Variants in MID1 observed in about 807,000 individuals in gnomAD.
MID1 encodes the protein E3 ubiquitin-protein ligase Midline-1.
In MID1, 7 loss-of-function variants were observed where a neutral mutation model predicts 40.4. The observed-to-expected ratio is 0.17, with a 90% CI of 0.10 to 0.33. MID1 has a LOEUF of 0.33. Among genes scored for constraint, MID1 ranks in the 10% least tolerant of loss-of-function variants. The probability of loss-of-function intolerance (pLI) is 1.00; values close to 1 mark genes in which losing one functional copy is unlikely to be tolerated. For missense variants in MID1, 367 were observed against 558.5 expected (o/e 0.66, Z 3.46); for synonymous variants, 229 against 221.2 (o/e 1.04, Z -0.31).
intron 1 of MID1, among the ~76,000 whole-genome samples, chrX:10,774,857 T>C (rs1389083335): frequency 9.0e-6 from 1 of 111,505 alleles, no homozygotes; most frequent in Non-Finnish European, 1.9e-5. Context: ...GTTTTCAAGA[T>C]TGGCGTTCTT....
At chrX:10,814,917 A>T (rs1194230583) in intron 1 of MID1, among the ~76,000 whole-genome samples, 1 of 111,098 alleles carries the variant, frequency 9.0e-6, no homozygotes, top group African/African-American at 3.3e-5. Context: ...CATGGTAAAG[A>T]TTACCATTGT....
chrX:10,455,816 T>C (rs910696518), intron 8 of MID1, among the ~76,000 whole-genome samples: 1 of 112,207 alleles, frequency 8.9e-6, no homozygotes, highest in Non-Finnish European at 1.9e-5. Flanking sequence ...ATGAAATTAT[T>C]TATATATAAT....
intron 1 of MID1, among the ~76,000 whole-genome samples, chrX:10,727,371 A>G (rs767252102): frequency 1.8e-5 from 2 of 112,706 alleles, no homozygotes; most frequent in African/African-American, 6.4e-5. Flanking sequence ...CTCCCGCCTC[A>G]GCCTCCCAAA....
intron 2 of MID1, among the ~76,000 whole-genome samples, chrX:10,540,823 C>T (rs182300795): frequency 1.1e-4 from 12 of 111,956 alleles, no homozygotes; most frequent in Non-Finnish European, 1.9e-4. Context: ...TTCAAAGCAC[C>T]GAACACAGTA....
chrX:10,641,495 C>A (rs1411047164), intron 1 of MID1, among the ~76,000 whole-genome samples: 4 of 111,608 alleles, frequency 3.6e-5, no homozygotes, highest in African/African-American at 9.8e-5. Context: ...CTGAATAGAC[C>A]AATGACAGGT....
intron 9 of MID1, among the ~76,000 whole-genome samples, chrX:10,451,460 T>G (rs1034691417): frequency 6.3e-5 from 7 of 111,816 alleles, no homozygotes; most frequent in Admixed American, 3.8e-4. Context: ...GCAGACTCCC[T>G]GACTTCATGC....
intron 1 of MID1, among the ~76,000 whole-genome samples, chrX:10,571,782 G>C (rs191425937): frequency 9.5e-4 from 105 of 110,340 alleles, no homozygotes; most frequent in Non-Finnish European, 1.8e-3. Context: ...TTAGCCAGGA[G>C]TGGTGGCACA....
chrX:10,802,292 G>T (rs920807862), intron 1 of MID1, among the ~76,000 whole-genome samples: 1 of 111,786 alleles, frequency 8.9e-6, no homozygotes, highest in African/African-American at 3.3e-5. Context: ...TCTGACAAAG[G>T]CCTAATATCC....
chrX:10,526,373 T>TTC (rs1291477419), intron 2 of MID1, among the ~76,000 whole-genome samples: 1 of 111,544 alleles, frequency 9.0e-6, no homozygotes, highest in African/African-American at 3.3e-5. Context: ...TGCTAATCAC[T>TTC]TTATGGTCAG....
chrX:10,613,790 CAGAGAGAG>C (rs755388363), intron 1 of MID1, among the ~76,000 whole-genome samples: 1 of 72,670 alleles, frequency 1.4e-5, no homozygotes, highest in East Asian at 4.1e-4. Flanking sequence ...GACAGACAGA[CAGAGAGAG>C]ACTATGTGTA....
intron 1 of MID1, among the ~76,000 whole-genome samples, chrX:10,644,851 C>T (rs1309601856): frequency 8.9e-6 from 1 of 111,826 alleles, no homozygotes; most frequent in African/African-American, 3.2e-5. Context: ...AGTATGTATC[C>T]AAAGCCCAGT....
intron 1 of MID1, among the ~76,000 whole-genome samples, chrX:10,659,114 G>C (rs151024163): frequency 0.019 from 2,164 of 111,834 alleles, 50 homozygotes; most frequent in African/African-American, 0.067. Context: ...AGGATCTCTT[G>C]ATTCAAATGA....
At chrX:10,808,686 C>T (rs1602590207) in intron 1 of MID1, among the ~76,000 whole-genome samples, 1 of 111,762 alleles carries the variant, frequency 8.9e-6, no homozygotes, top group South Asian at 3.8e-4. Flanking sequence ...AAAGGATTCC[C>T]TATTTAATAA....
intron 1 of MID1, among the ~76,000 whole-genome samples, chrX:10,669,535 C>A (rs1198977839): frequency 8.9e-6 from 1 of 112,095 alleles, no homozygotes; most frequent in Non-Finnish European, 1.9e-5. Context: ...ATAATTCTAG[C>A]TTTGTCCTCT....
intron 1 of MID1, among the ~76,000 whole-genome samples, chrX:10,591,034 T>C (rs1602447254): frequency 9.0e-6 from 1 of 111,613 alleles, no homozygotes; most frequent in Non-Finnish European, 1.9e-5. Context: ...AGCTGGCTTT[T>C]AAACATTAAA....
intron 1 of MID1, among the ~76,000 whole-genome samples, chrX:10,735,440 G>T (rs1240213454): frequency 1.8e-5 from 2 of 111,724 alleles, no homozygotes; most frequent in African/African-American, 6.5e-5. Context: ...TAAGGTAGTA[G>T]CCTTTAACCC....
At chrX:10,606,354 A>G (rs1052254050) in intron 1 of MID1, among the ~76,000 whole-genome samples, 2 of 111,461 alleles carry the variant, frequency 1.8e-5, no homozygotes, top group African/African-American at 6.5e-5. Flanking sequence ...GTAAATTTAT[A>G]AAGTTAAAAA....
At chrX:10,665,869 C>A (rs896080516) in intron 1 of MID1, among the ~76,000 whole-genome samples, 9 of 110,419 alleles carry the variant, frequency 8.2e-5, no homozygotes, top group Non-Finnish European at 1.7e-4. Context: ...TTTATTATAT[C>A]CATCAGTCAG....
In MID1 at chrX:10,448,079, TA is replaced by T. The variant is rs746214235; in HGVS notation, c.*1288del. ...GCAAAGAATCCCAGCTGACATTTTATAAGCAGGTTCCTGAATAACGAGTTTG... is the reference window on the plus strand; with the variant it reads ...GCAAAGAATCCCAGCTGACATTTTATAGCAGGTTCCTGAATAACGAGTTTG... On this transcript the variant is annotated 3_prime_UTR_variant, in exon 10 of 10. Coordinates refer to ENST00000317552, the MANE Select transcript of MID1 (RefSeq NM_000381.4). 101 of 110,444 alleles carry T rather than the reference TA, an allele frequency of 9.1e-4. No individual in the cohort carries two copies. Among genetic ancestry groups the T allele is most frequent in the African/African-American group, 3.2e-3 (96 of 30,305 alleles). 9.1% of individuals were successfully genotyped at this position (110,444 alleles called of 1,213,427 possible). A position where few individuals can be genotyped will look rare whatever the true frequency, so the allele number is the denominator to read the frequency against.
Sources: gnomAD v4.1 joint callset for allele counts (sites outside exome capture counted in the v4.1 genomes callset) on GRCh38, gnomAD v4.1.1 for gene constraint, MANE v1.5 for transcripts, NCBI Gene and HGNC (gene_info 2026-07-23, HGNC 2026-07-21) for gene names.